Variants in RNF19A observed in about 807,000 individuals in gnomAD.
RNF19A encodes ring finger protein 19A, RBR E3 ubiquitin protein ligase.
In RNF19A, 32 loss-of-function variants were observed where a neutral mutation model predicts 75.7. The observed-to-expected ratio is 0.42, with a 90% confidence interval of 0.32 to 0.57. The LOEUF (loss-of-function observed/expected upper bound fraction) is 0.57, where lower values mean the gene tolerates loss of function less well. Ranked by LOEUF, RNF19A falls within the 20% of genes least tolerant of loss-of-function variation. The pLI, the probability that RNF19A is intolerant of heterozygous loss-of-function variation, is 0.10. For missense variants in RNF19A, 782 were observed against 1,036.3 expected, an observed-to-expected ratio of 0.75 and a Z score of 3.37; for synonymous variants, 335 against 345.2, an observed-to-expected ratio of 0.97 and a Z score of 0.33.
In RNF19A at chr8:100,289,354, T is replaced by C. The variant is rs192390882; in HGVS notation, c.-93-1087A>G. The stretch of plus-strand genomic sequence containing the variant: ...TACCAACCATAAAATAAAAGACTGA[T>C]AAACTGGACTAGAATAAAATCAACA... On this transcript the variant is annotated intron_variant, in intron 1 of 9. Coordinates refer to ENST00000341084, the MANE Select transcript of RNF19A (RefSeq NM_183419.4). Among the ~76,000 whole-genome samples the C allele has an allele frequency of 3.2e-3, 493 of 152,310 alleles. 4 individuals are homozygous for C. The highest frequency in any genetic ancestry group is 0.011 in the African/African-American group (474 of 41,562).
Position 100,264,908 on chromosome 8 carries a change from G to A in RNF19A, c.1192-123C>T. On this transcript the variant is annotated intron_variant, in intron 5 of 9. Coordinates refer to ENST00000341084, the MANE Select transcript of RNF19A (RefSeq NM_183419.4). This position sits in a 1 kb window ranked among gnomAD's most constrained non-coding sequence, Gnocchi z 4.7. Reference sequence around the variant, plus strand: ...TAGAAGTTCGTAGCTGAGTATCTTAGTTCAAGGTAAACCTACTAGTGTCCT... The same window carrying A: ...TAGAAGTTCGTAGCTGAGTATCTTAATTCAAGGTAAACCTACTAGTGTCCT... 4 of 691,934 alleles carry A rather than the reference G, an allele frequency of 5.8e-6. No homozygotes were observed. The highest frequency in any genetic ancestry group is 1.0e-5 in the Non-Finnish European group (4 of 401,746). The allele number at this position is 691,934 out of a possible 1,614,324, so 42.9% of individuals were successfully genotyped here. A position where few individuals can be genotyped will look rare whatever the true frequency, so the allele number is the denominator to read the frequency against.
At chr8:100,310,807 A>G (rs1563870962), upstream of RNF19A, among the ~76,000 whole-genome samples, 1 of 151,950 alleles carries the variant, frequency 6.6e-6, no homozygotes, top group Non-Finnish European at 1.5e-5. Context: ...TTCCTATTTC[A>G]TCTCTAATAC....
At chr8:100,272,788 A>G (rs939777421) in intron 3 of RNF19A, among the ~76,000 whole-genome samples, 9 of 152,088 alleles carry the variant, frequency 5.9e-5, no homozygotes, top group Non-Finnish European at 1.2e-4. Context: ...GAGCTCAAGC[A>G]ATCTGGCCGC....
intron 1 of RNF19A, among the ~76,000 whole-genome samples, chr8:100,315,292 A>C (rs1822355677): frequency 6.6e-6 from 1 of 152,194 alleles, no homozygotes; most frequent in Non-Finnish European, 1.5e-5. Context: ...ACTCTAATAT[A>C]AGAGCCAATA....
At chr8:100,304,582 T>C (rs1821990039) in intron 1 of RNF19A, among the ~76,000 whole-genome samples, 2 of 152,218 alleles carry the variant, frequency 1.3e-5, no homozygotes, top group Non-Finnish European at 2.9e-5. Context: ...GATGCCTATA[T>C]AAAAAGTCCC....
chr8:100,270,262 A>C (rs192393193), intron 3 of RNF19A, among the ~76,000 whole-genome samples: 1 of 152,158 alleles, frequency 6.6e-6, no homozygotes, highest in Non-Finnish European at 1.5e-5. Flanking sequence ...AAGAATAAAA[A>C]AAGAATAAAA....
intron 2 of RNF19A, among the ~76,000 whole-genome samples, chr8:100,282,211 G>A (rs1419866902): frequency 6.6e-6 from 1 of 152,166 alleles, no homozygotes; most frequent in East Asian, 1.9e-4. Flanking sequence ...GAATGAGGGT[G>A]AAGGGGAAGA....
intron 7 of RNF19A, among the ~76,000 whole-genome samples, chr8:100,262,608 G>C (rs1028969441): frequency 6.6e-6 from 1 of 152,102 alleles, no homozygotes; most frequent in Non-Finnish European, 1.5e-5. Context: ...AAGGACTTTG[G>C]ATTTTCTTCC....
chr8:100,279,587 C>T (rs535705045), intron 2 of RNF19A, among the ~76,000 whole-genome samples: 25 of 152,262 alleles, frequency 1.6e-4, no homozygotes, highest in African/African-American at 6.0e-4. Flanking sequence ...GAGTCTCACT[C>T]TGTTGCCCAG....
At chr8:100,271,057 C>T (rs1244310661) in intron 3 of RNF19A, among the ~76,000 whole-genome samples, 1 of 151,956 alleles carries the variant, frequency 6.6e-6, no homozygotes, top group Non-Finnish European at 1.5e-5. Flanking sequence ...AAGCATTAAG[C>T]TATATTCCAT....
intron 1 of RNF19A, chr8:100,309,384 C>T (rs1255798225): frequency 2.0e-6 from 2 of 985,770 alleles, no homozygotes; most frequent in Non-Finnish European, 2.4e-6. Context: ...GCAGCGAGGC[C>T]CGGAAATCGG....
Position 100,261,396 on chromosome 8 carries a change from C to G in RNF19A, c.1682+146G>C, listed in dbSNP as rs369720462. 1.4e-6 allele frequency: 1 copy of G among 739,988 alleles called. No homozygotes were observed. The highest frequency in any genetic ancestry group is 1.8e-5 in the African/African-American group (1 of 56,712). 45.8% of individuals were successfully genotyped at this position (739,988 alleles called of 1,614,324 possible). A position where few individuals can be genotyped will look rare whatever the true frequency, so the allele number is the denominator to read the frequency against. On this transcript the variant is annotated intron_variant, in intron 8 of 9. Transcript: ENST00000341084. The surrounding 1 kb of genome is among the most constrained non-coding windows in gnomAD (Gnocchi z 4.4). The stretch of plus-strand genomic sequence containing the variant: ...TACAGGCGTGAGCCACTGCACCTGG[C>G]CCCAAATTTCATTTTTAACATTACT...
chr8:100,282,354 T>C (rs1250522579), intron 2 of RNF19A, among the ~76,000 whole-genome samples: 3 of 152,170 alleles, frequency 2.0e-5, no homozygotes, highest in Admixed American at 1.3e-4. Flanking sequence ...TTAAAGTTTA[T>C]TACACTGTCA....
chr8:100,283,660 G>A (rs1424557773), intron 2 of RNF19A, among the ~76,000 whole-genome samples: 2 of 152,190 alleles, frequency 1.3e-5, no homozygotes, highest in African/African-American at 4.8e-5. Context: ...GGTAAGGACA[G>A]TATTTCTCAA....
chr8:100,293,223 C>G (rs574721834), intron 1 of RNF19A, among the ~76,000 whole-genome samples: 13 of 152,344 alleles, frequency 8.5e-5, no homozygotes, highest in African/African-American at 2.2e-4. Flanking sequence ...TGTGGATCCA[C>G]TTTTCATCTG....
intron 1 of RNF19A, among the ~76,000 whole-genome samples, chr8:100,318,901 G>A (rs1822424261): frequency 6.6e-6 from 1 of 152,212 alleles, no homozygotes; most frequent in Admixed American, 6.5e-5. Flanking sequence ...CAGTCCAGAT[G>A]ATAACAGTGA....
At chr8:100,305,922 C>T (rs1026513882) in intron 1 of RNF19A, among the ~76,000 whole-genome samples, 1 of 152,116 alleles carries the variant, frequency 6.6e-6, no homozygotes, top group Non-Finnish European at 1.5e-5. Flanking sequence ...TGATAATGAG[C>T]TTATTTTTGT....
chr8:100,282,441 T>A (rs1275263736), intron 2 of RNF19A, among the ~76,000 whole-genome samples: 1 of 152,178 alleles, frequency 6.6e-6, no homozygotes, highest in Non-Finnish European at 1.5e-5. Flanking sequence ...TGTTAAAATA[T>A]ACCTGGGTTA....
Position 100,322,218 on chromosome 8 carries a change from T to C in RNF19A, c.-242-8846A>G, listed in dbSNP as rs566202307. Among the ~76,000 whole-genome samples the C allele has an allele frequency of 2.2e-4, 34 of 152,220 alleles. No homozygotes were observed. Among genetic ancestry groups the C allele is most frequent in the Middle Eastern group, 3.2e-3 (1 of 316 alleles). On this transcript the variant is annotated intron_variant, in intron 1 of 3. Coordinates refer to the RNF19A transcript ENST00000519527. This position sits in a 1 kb window ranked among gnomAD's most constrained non-coding sequence, Gnocchi z 5.1. ...CCTATATGAGTCTGTTTAGTCTATA[T>C]TGAAAATCTGTTGTTTAGTATAGTC...
Sources: allele counts gnomAD v4.1 joint callset (sites outside exome capture counted in the v4.1 genomes callset), GRCh38; gene constraint gnomAD v4.1.1; non-coding constraint Gnocchi (gnomAD v3.1); transcripts MANE v1.5; gene names NCBI Gene and HGNC (gene_info 2026-07-23, HGNC 2026-07-21).